The following STXBP5 variants were observed in gnomAD, a reference collection of about 807,000 sequenced individuals.
STXBP5 encodes the protein syntaxin binding protein 5.
STXBP5 carries 50 observed loss-of-function variants against 152.4 expected under a neutral mutation model. That is an observed-to-expected ratio of 0.33 (90% confidence interval 0.26 to 0.42). The LOEUF (loss-of-function observed/expected upper bound fraction) is 0.42, where lower values mean the gene tolerates loss of function less well. Ranked by LOEUF, STXBP5 falls within the 10% of genes least tolerant of loss-of-function variation. STXBP5 has a pLI of 1.00. For synonymous variants in STXBP5, 492 were observed against 494.7 expected (o/e 0.99, Z 0.07); for missense variants, 1,167 against 1,388.6 (o/e 0.84, Z 2.54).
chr6:147,381,794 G>A (rs1478977759), intron 26 of STXBP5, among the ~76,000 whole-genome samples: 3 of 152,098 alleles, frequency 2.0e-5, no homozygotes, highest in Admixed American at 2.0e-4. Context: ...GCCACCTATT[G>A]TATGAATCCA....
chr6:147,271,283 A>G (rs1780155425), intron 7 of STXBP5, among the ~76,000 whole-genome samples: 1 of 152,174 alleles, frequency 6.6e-6, no homozygotes, highest in Admixed American at 6.5e-5. Flanking sequence ...ATTAGCAGTA[A>G]TCAAAAGGAA....
intron 9 of STXBP5, among the ~76,000 whole-genome samples, chr6:147,295,364 T>C (rs1188616155): frequency 6.6e-6 from 1 of 152,202 alleles, no homozygotes; most frequent in Non-Finnish European, 1.5e-5. Flanking sequence ...GGGAAAAGCA[T>C]CTCTTTATTA....
chr6:147,235,711 G>A (rs907907339), intron 3 of STXBP5, among the ~76,000 whole-genome samples: 1 of 151,908 alleles, frequency 6.6e-6, no homozygotes, highest in Non-Finnish European at 1.5e-5. Context: ...ATACAACCAA[G>A]AAACCAGCAT....
intron 4 of STXBP5, among the ~76,000 whole-genome samples, chr6:147,251,319 A>C (rs895726697): frequency 8.9e-6 from 1 of 112,122 alleles, no homozygotes; most frequent in South Asian, 2.8e-4. Context: ...TTGGGTGCCT[A>C]CGCCAACAGG....
chr6:147,309,841 G>A (rs1269647594), intron 9 of STXBP5, among the ~76,000 whole-genome samples: 2 of 152,044 alleles, frequency 1.3e-5, no homozygotes. Flanking sequence ...AGGAGATAAA[G>A]TTTTAGGGAG....
intron 25 of STXBP5, among the ~76,000 whole-genome samples, chr6:147,366,317 T>G (rs1485374313): frequency 6.6e-6 from 1 of 152,164 alleles, no homozygotes; most frequent in Non-Finnish European, 1.5e-5. Flanking sequence ...CAGTGCTTGA[T>G]CCCAACAACC....
chr6:147,295,346 C>T (rs1781462684), intron 9 of STXBP5, among the ~76,000 whole-genome samples: 2 of 152,148 alleles, frequency 1.3e-5, no homozygotes, highest in South Asian at 2.1e-4. Context: ...CAAATAATTA[C>T]CAGCTTTGGG....
intron 2 of STXBP5, among the ~76,000 whole-genome samples, chr6:147,228,818 A>G (rs911597616): frequency 6.6e-6 from 1 of 152,108 alleles, no homozygotes; most frequent in South Asian, 2.1e-4. Flanking sequence ...ATTTTCATCA[A>G]CATATTTTAG....
intron 26 of STXBP5, among the ~76,000 whole-genome samples, chr6:147,377,214 GA>G (rs995972553): frequency 6.6e-6 from 1 of 152,066 alleles, no homozygotes; most frequent in Non-Finnish European, 1.5e-5. Flanking sequence ...CCTCATGTTT[GA>G]AAACAGAAAT....
chr6:147,263,554 T>C (rs886659833), intron 6 of STXBP5, among the ~76,000 whole-genome samples: 1 of 151,928 alleles, frequency 6.6e-6, no homozygotes, highest in Admixed American at 6.6e-5. Context: ...CTGTAGTATC[T>C]AACAAATAAA....
intron 4 of STXBP5, among the ~76,000 whole-genome samples, chr6:147,253,437 T>A (rs926582537): frequency 1.3e-5 from 2 of 152,058 alleles, no homozygotes; most frequent in African/African-American, 4.8e-5. Flanking sequence ...TCCAACATAG[T>A]ATTGGAAGTT....
At chr6:147,312,624 A>G (rs1562480052) in intron 11 of STXBP5, among the ~76,000 whole-genome samples, 1 of 152,136 alleles carries the variant, frequency 6.6e-6, no homozygotes, top group Non-Finnish European at 1.5e-5. Context: ...ACAGTAGAAC[A>G]TTATCTCGTC....
Position 147,204,783 on chromosome 6 carries a change from C to T in STXBP5, c.150+101C>T, listed in dbSNP as rs1776453506. The T allele has an allele frequency of 4.1e-6, 5 of 1,211,856 alleles. No individual in the cohort carries two copies. The highest frequency in any genetic ancestry group is 5.6e-6 in the Non-Finnish European group (5 of 896,816). The allele number at this position is 1,211,856 out of a possible 1,614,324, so 75.1% of individuals were successfully genotyped here. A position where few individuals can be genotyped will look rare whatever the true frequency, so the allele number is the denominator to read the frequency against. ...CATGGGAATGCAAGGGAAGAGAACG[C>T]CAATAATAATAATAATAACTCTAAT... On this transcript the variant is annotated intron_variant, in intron 1 of 27. Coordinates refer to ENST00000321680, the MANE Select transcript of STXBP5 (RefSeq NM_001127715.4). The surrounding 1 kb of genome is among the most constrained non-coding windows in gnomAD (Gnocchi z 4.3).
chr6:147,363,577 A>C lies in STXBP5; in HGVS notation c.2788A>C (p.Thr930Pro). ...GCAAGCAAAAGTAATCTCACTGCCA[A>C]CCCAGAACTGTGCTTATAAGCAAAA... Reference protein sequence around the residue: ...EKQAKVISLPTQNCAYKQNIT... With the variant: ...EKQAKVISLPPQNCAYKQNIT... The change falls in exon 24 of 28, where the codon ACC (threonine) becomes CCC (proline). Residue 930 changes from threonine to proline, a missense_variant. Around this residue, in one of 3 missense-constraint regions of STXBP5, gnomAD observed 833 missense variants for 986.3 expected, o/e 0.84. Coordinates refer to ENST00000321680, the MANE Select transcript of STXBP5 (RefSeq NM_001127715.4). The C allele has an allele frequency of 6.2e-7, 1 of 1,614,210 alleles. No homozygotes were observed. The highest frequency in any genetic ancestry group is 8.5e-7 in the Non-Finnish European group (1 of 1,180,046).
chr6:147,351,387 A>G (rs1784583227), intron 21 of STXBP5, among the ~76,000 whole-genome samples: 1 of 152,188 alleles, frequency 6.6e-6, no homozygotes, highest in Admixed American at 6.5e-5. Context: ...GACTGTGCCA[A>G]ATTTATTTTC....
intron 2 of STXBP5, among the ~76,000 whole-genome samples, chr6:147,227,939 T>C (rs1249572412): frequency 6.6e-6 from 1 of 152,184 alleles, no homozygotes; most frequent in East Asian, 1.9e-4. Flanking sequence ...CATCTCATGC[T>C]TAAATGCCTC....
At chr6:147,277,155 C>T (rs554821069) in intron 7 of STXBP5, among the ~76,000 whole-genome samples, 30 of 152,078 alleles carry the variant, frequency 2.0e-4, no homozygotes, top group African/African-American at 7.0e-4. Context: ...CATCTGATTT[C>T]ATACCAAGAT....
chr6:147,369,927 T>A (rs1785465801), intron 25 of STXBP5, among the ~76,000 whole-genome samples: 1 of 151,762 alleles, frequency 6.6e-6, no homozygotes, highest in Admixed American at 6.6e-5. Context: ...TTTACTCATT[T>A]TTTTTAAATT....
At chr6:147,303,095 A>G (rs929746840) in intron 9 of STXBP5, among the ~76,000 whole-genome samples, 1 of 152,188 alleles carries the variant, frequency 6.6e-6, no homozygotes, top group African/African-American at 2.4e-5. Context: ...AAGTGAGTAT[A>G]AAATATACCA....
Sources: gnomAD v4.1 joint callset for allele counts (sites outside exome capture counted in the v4.1 genomes callset) on GRCh38, gnomAD v4.1.1 for gene constraint, gnomAD v4.1.1 regional missense constraint, Gnocchi (gnomAD v3.1) non-coding constraint, MANE v1.5 for transcripts, NCBI Gene and HGNC (gene_info 2026-07-23, HGNC 2026-07-21) for gene names.